Variants in CHAF1A observed in about 807,000 individuals in gnomAD.
CHAF1A encodes CAF-1 subunit A.
CHAF1A carries 5 observed loss-of-function variants against 93.2 expected under a neutral mutation model. The observed-to-expected ratio is 0.05, with a 90% confidence interval of 0.03 to 0.11. The LOEUF (loss-of-function observed/expected upper bound fraction) is 0.11, where lower values mean the gene tolerates loss of function less well. Ranked by LOEUF, CHAF1A falls within the 10% of genes least tolerant of loss-of-function variation. The probability of loss-of-function intolerance (pLI) is 1.00; values close to 1 mark genes in which losing one functional copy is unlikely to be tolerated. For missense variants in CHAF1A, 1,102 were observed against 1,259.9 expected, an observed-to-expected ratio of 0.87 and a Z score of 1.90; for synonymous variants, 504 against 510.3, an observed-to-expected ratio of 0.99 and a Z score of 0.17.
intron 12 of CHAF1A, 44 bp downstream of exon 12, chr19:4,432,251 A>G (rs1974199025): frequency 6.5e-7 from 1 of 1,550,132 alleles, no homozygotes; most frequent in Admixed American, 1.9e-5. Context: ...TCCTGGGCCC[A>G]GCTAATTCCA....
At chr19:4,413,365 T>C (rs1973842665) in intron 3 of CHAF1A, among the ~76,000 whole-genome samples, 3 of 152,138 alleles carry the variant, frequency 2.0e-5, no homozygotes, top group South Asian at 4.1e-4. Context: ...CCACCGCGCC[T>C]GGCCAGTTGG....
intron 7 of CHAF1A, among the ~76,000 whole-genome samples, chr19:4,426,481 G>T (rs1170610501): frequency 7.0e-6 from 1 of 143,136 alleles, no homozygotes; most frequent in Non-Finnish European, 1.5e-5. Flanking sequence ...GTTGTTTTTT[G>T]TTTGTTTGTT....
rs748205178 is a variant in CHAF1A, at chr19:4,409,689, A to G, written c.890A>G (p.Glu297Gly). Residue 297 changes from glutamate (E) to glycine (G), a missense_variant, in exon 3 of 15, where the codon GAG becomes GGG. By Grantham distance (98) the Glu-to-Gly change is moderately conservative. Coordinates refer to ENST00000301280, the MANE Select transcript of CHAF1A (RefSeq NM_005483.3). ...LSSPSSTSSP[E>G]GPPAPPKQHS... ...TCTCCCTCTTCCACCAGCTCGCCCG[A>G]GGGGCCGCCTGCTCCCCCAAAGCAG... is the stretch of plus-strand genomic sequence containing the variant. 5 of 1,614,062 alleles carry G rather than the reference A, an allele frequency of 3.1e-6. No homozygotes were observed. The South Asian group carries it at 5.5e-5, about 18-fold the overall frequency.
intron 3 of CHAF1A, among the ~76,000 whole-genome samples, chr19:4,417,124 A>G (rs1317541024): frequency 6.6e-6 from 1 of 151,904 alleles, no homozygotes; most frequent in Non-Finnish European, 1.5e-5. Flanking sequence ...GATGTGCACC[A>G]CAACACCCGA....
intron 3 of CHAF1A, among the ~76,000 whole-genome samples, chr19:4,416,106 G>A (rs903428697): frequency 7.2e-5 from 11 of 152,110 alleles, no homozygotes; most frequent in African/African-American, 2.4e-4. Flanking sequence ...CCCGGGAGGC[G>A]GAGCTTGCAG....
intron 13 of CHAF1A, among the ~76,000 whole-genome samples, chr19:4,440,339 G>A (rs556647831): frequency 3.9e-5 from 6 of 151,968 alleles, no homozygotes; most frequent in Admixed American, 1.3e-4. Flanking sequence ...AGGTGCGGTG[G>A]CTCACACCTT....
chr19:4,449,135 C>G (rs569049967), downstream of CHAF1A: 2 of 152,752 alleles, frequency 1.3e-5, no homozygotes, highest in East Asian at 1.9e-4. Flanking sequence ...ACCCTAAGAC[C>G]TGGAAAAGAT....
Position 4,422,841 on chromosome 19 carries a change from G to C in CHAF1A, c.1247+46G>C. 1 of 1,577,202 alleles carries C rather than the reference G, an allele frequency of 6.3e-7. No individual in the cohort carries two copies. The highest frequency in any genetic ancestry group is 1.7e-5 in the Admixed American group (1 of 59,120). The stretch of plus-strand genomic sequence containing the variant: ...TGCTGGGCCCGCCACCCTGCTGCTG[G>C]ATTCCGCTCCTGGCCACTCTGATGG... On this transcript the variant is annotated intron_variant, in intron 5 of 14. Transcript: ENST00000301280. This position sits in a 1 kb window ranked among gnomAD's most constrained non-coding sequence, Gnocchi z 4.6.
downstream of CHAF1A, chr19:4,446,757 GA>G: frequency 1.9e-6 from 3 of 1,611,680 alleles, no homozygotes; most frequent in Non-Finnish European, 2.5e-6. Flanking sequence ...CTGTGCAATG[GA>G]GAGACCCCCA....
intron 3 of CHAF1A, among the ~76,000 whole-genome samples, chr19:4,410,256 C>G (rs1382629423): frequency 9.9e-5 from 15 of 152,078 alleles, no homozygotes; most frequent in African/African-American, 3.4e-4. Flanking sequence ...AAAAACCTTA[C>G]CTGGGGCCAG....
chr19:4,419,199 T>C (rs896348872), intron 4 of CHAF1A, among the ~76,000 whole-genome samples: 6 of 151,962 alleles, frequency 3.9e-5, no homozygotes, highest in Admixed American at 6.6e-5. Context: ...TTTTTACTTA[T>C]TGCTTAAAGG....
At chr19:4,417,630 T>G (rs1235160755) in intron 3 of CHAF1A, among the ~76,000 whole-genome samples, 5 of 151,992 alleles carry the variant, frequency 3.3e-5, no homozygotes, top group Non-Finnish European at 7.4e-5. Flanking sequence ...TCGGCTAATT[T>G]TTGTATTTTT....
downstream of CHAF1A, chr19:4,445,568 TTGA>T: frequency 6.2e-7 from 1 of 1,613,806 alleles, no homozygotes; most frequent in Non-Finnish European, 8.5e-7. Context: ...CCCCGCGGCC[TTGA>T]TGTCCTCCAG....
At chr19:4,446,484 C>G, downstream of CHAF1A, 1 of 1,600,088 alleles carries the variant, frequency 6.2e-7, no homozygotes, top group Non-Finnish European at 8.5e-7. Context: ...CTCTGCTCCG[C>G]GGACGTCAGG....
At chr19:4,435,087 CTTTTTTTT>C (rs869255408) in intron 13 of CHAF1A, among the ~76,000 whole-genome samples, 1 of 87,966 alleles carries the variant, frequency 1.1e-5, no homozygotes, top group African/African-American at 4.7e-5. Context: ...CTTTTTTTTC[CTTTTTTTT>C]TTTTTTTTTT....
At chr19:4,417,741 G>A (rs952849115) in intron 3 of CHAF1A, among the ~76,000 whole-genome samples, 11 of 152,134 alleles carry the variant, frequency 7.2e-5, no homozygotes, top group African/African-American at 2.4e-4. Flanking sequence ...AATTACAGGC[G>A]TTAGCCACCG....
downstream of CHAF1A, chr19:4,445,328 G>A: frequency 3.4e-6 from 4 of 1,162,668 alleles, no homozygotes; most frequent in South Asian, 5.9e-5. Context: ...AAGGGATGGG[G>A]GCTCTGCCAC....
At chr19:4,426,756 G>A (rs1974088873) in intron 7 of CHAF1A, among the ~76,000 whole-genome samples, 1 of 152,160 alleles carries the variant, frequency 6.6e-6, no homozygotes, top group Admixed American at 6.5e-5. Context: ...TTACAGGTGT[G>A]AGCCACCACG....
chr19:4,438,543 G>A (rs1248798724), intron 13 of CHAF1A, among the ~76,000 whole-genome samples: 1 of 152,084 alleles, frequency 6.6e-6, no homozygotes, highest in Non-Finnish European at 1.5e-5. Flanking sequence ...AAGGCATTCT[G>A]ACCTAGTGGG....
Sources: gnomAD v4.1 joint callset for allele counts (sites outside exome capture counted in the v4.1 genomes callset) on GRCh38, gnomAD v4.1.1 for gene constraint, Gnocchi (gnomAD v3.1) non-coding constraint, MANE v1.5 for transcripts, NCBI Gene and HGNC (gene_info 2026-07-23, HGNC 2026-07-21) for gene names.